SCN10A: variants seen among roughly 807,000 people sequenced by gnomAD.
The protein encoded by SCN10A is sodium voltage-gated channel alpha subunit 10, also known as sodium channel protein type 10 subunit alpha.
A neutral mutation model predicts 170.7 loss-of-function variants in SCN10A; 162 were observed. The ratio of observed to expected loss-of-function variants is 0.95; its 90% CI spans 0.84 to 1.08. SCN10A has a LOEUF of 1.08. SCN10A is among the 50% of genes least tolerant of loss of function. SCN10A has a pLI of 0.00. For missense variants in SCN10A, 2,527 were observed against 2,436.9 expected, an observed-to-expected ratio of 1.04 and a Z score of -0.78; for synonymous variants, 985 against 904.6, an observed-to-expected ratio of 1.09 and a Z score of -1.59.
intron 5 of SCN10A, among the ~76,000 whole-genome samples, chr3:38,768,200 C>A (rs555249303): frequency 6.6e-6 from 1 of 151,592 alleles, no homozygotes; most frequent in East Asian, 1.9e-4. Context: ...CCTTTCTGCC[C>A]TTCTGTATAT....
Position 38,707,375 on chromosome 3 carries a change from GC to G in SCN10A, c.4289del (p.Gly1430AlafsTer6). 2.5e-6 allele frequency: 4 copies of G among 1,614,016 alleles called. No homozygotes were observed. The highest frequency in any genetic ancestry group is 3.4e-6 in the Non-Finnish European group (4 of 1,179,976). On this transcript the variant is annotated frameshift_variant, in exon 26 of 28. Coordinates refer to ENST00000449082, the MANE Select transcript of SCN10A (RefSeq NM_006514.4). LOFTEE classifies it high-confidence loss of function. ...GCTCCTCTGTCATGAAGATGTCCTG[GC>G]CCCCTAAGTGCAGAGAGGGCCACAC... The part of the protein sequence containing the change: ...NFNQQKKKLG[G>X]QDIFMTEEQK...
At chr3:38,742,024 C>T (rs2063637701) in intron 14 of SCN10A, among the ~76,000 whole-genome samples, 1 of 152,216 alleles carries the variant, frequency 6.6e-6, no homozygotes, top group African/African-American at 2.4e-5. Context: ...GGGCAACTAG[C>T]TGCCTCTGGC....
chr3:38,721,039 G>A (rs900578678), intron 20 of SCN10A, among the ~76,000 whole-genome samples: 3 of 152,124 alleles, frequency 2.0e-5, no homozygotes, highest in African/African-American at 7.2e-5. Context: ...ACCAGTCCCT[G>A]CCCCGAAACT....
chr3:38,765,486 G>A (rs949421478), intron 5 of SCN10A, among the ~76,000 whole-genome samples: 7 of 151,942 alleles, frequency 4.6e-5, no homozygotes, highest in African/African-American at 1.5e-4. Flanking sequence ...CCCCACTTAC[G>A]TTTTTGTTTG....
At chr3:38,773,212 G>A (rs1359349993) in intron 4 of SCN10A, among the ~76,000 whole-genome samples, 1 of 152,236 alleles carries the variant, frequency 6.6e-6, no homozygotes, top group East Asian at 1.9e-4. Context: ...TGTACCTGTA[G>A]TCCTAACTAC....
chr3:38,756,230 G>T (rs1366220841), intron 10 of SCN10A, among the ~76,000 whole-genome samples: 1 of 152,098 alleles, frequency 6.6e-6, no homozygotes, highest in Non-Finnish European at 1.5e-5. Context: ...GCAGCTGATG[G>T]CTCATACTTG....
chr3:38,702,033 A>G lies in SCN10A; in HGVS notation c.4463T>C (p.Leu1488Pro). 2 of 1,612,350 alleles carry G rather than the reference A, an allele frequency of 1.2e-6. No homozygotes were observed. Among genetic ancestry groups the G allele is most frequent in the Non-Finnish European group, 1.7e-6 (2 of 1,179,118 alleles). The change falls in exon 27 of 28, where the codon CTC becomes CCC. Residue 1488 changes from leucine (L) to proline (P), a missense_variant. Leu to Pro is a moderately conservative substitution (Grantham distance 98). Coordinates refer to ENST00000449082, the MANE Select transcript of SCN10A (RefSeq NM_006514.4). The part of the protein sequence containing the change: ...FDITIMVLIC[L>P]NMITMMVETD... ...CTCCACCATCATGGTGATCATGTTGAGGCAGATGAGGACCATGATGGTGAT... is the reference window on the plus strand; with the variant it reads ...CTCCACCATCATGGTGATCATGTTGGGGCAGATGAGGACCATGATGGTGAT...
chr3:38,742,097 G>A (rs1197617647), intron 14 of SCN10A, among the ~76,000 whole-genome samples, 194 bp downstream of exon 14: 1 of 152,148 alleles, frequency 6.6e-6, no homozygotes, highest in Non-Finnish European at 1.5e-5. Context: ...CACCAGCTCA[G>A]CCTGGGTCCT....
At chr3:38,749,875 T>A (rs1207870148) in intron 13 of SCN10A, among the ~76,000 whole-genome samples, 198 bp downstream of exon 13, 1 of 152,264 alleles carries the variant, frequency 6.6e-6, no homozygotes, top group Non-Finnish European at 1.5e-5. Context: ...ATCAAATTAT[T>A]TTGTTTTTGA....
chr3:38,783,285 G>C (rs2064160517), intron 4 of SCN10A, among the ~76,000 whole-genome samples: 1 of 152,026 alleles, frequency 6.6e-6, no homozygotes, highest in Non-Finnish European at 1.5e-5. Context: ...CACTTCACCA[G>C]CTCCTTCCCA....
In SCN10A at chr3:38,752,129, A is replaced by T. The variant is rs1260743326; in HGVS notation, c.1755+90T>A. On this transcript the variant is annotated intron_variant, in intron 12 of 27. Coordinates refer to ENST00000449082, the MANE Select transcript of SCN10A (RefSeq NM_006514.4). The stretch of plus-strand genomic sequence containing the variant: ...GCATTGGACAGGATGATGGCTAAAG[A>T]TCCCTTCCATTGGTGATACTCAGGC... 6.2e-5 allele frequency: 75 copies of T among 1,201,876 alleles called. No homozygotes were observed. The Admixed American group carries it at 2.0e-3, about 33-fold the overall frequency. The allele number at this position is 1,201,876 out of a possible 1,614,324, so 74.5% of individuals were successfully genotyped here.
chr3:38,791,013 G>C (rs190856768), intron 3 of SCN10A, among the ~76,000 whole-genome samples: 79 of 152,320 alleles, frequency 5.2e-4, no homozygotes, highest in African/African-American at 1.9e-3. Context: ...TGTTGAGTGT[G>C]CAGATAGATG....
rs2063463928 is a variant in SCN10A at position 38,726,978 on chromosome 3, C to G, written c.2715G>C (p.Gly905=). Residue 905 remains glycine (G), a synonymous_variant, in exon 17 of 28, where the codon GGG becomes GGC. Coordinates refer to ENST00000449082, the MANE Select transcript of SCN10A (RefSeq NM_006514.4). ...GGGCCACCTGCAGGTTGTTCACCTCCCCATCGTCCTCCGGGGCTGTGAGGT... is the reference window on the plus strand; with the variant it reads ...GGGCCACCTGCAGGTTGTTCACCTCGCCATCGTCCTCCGGGGCTGTGAGGT... ...ADNLTAPEDD[G]EVNNLQVALA... 6.2e-7 allele frequency: 1 copy of G among 1,614,246 alleles called. No homozygotes were observed. The highest frequency in any genetic ancestry group is 2.2e-5 in the East Asian group (1 of 44,888).
chr3:38,707,781 T>C (rs1022029132), intron 25 of SCN10A, among the ~76,000 whole-genome samples: 4 of 152,192 alleles, frequency 2.6e-5, no homozygotes, highest in Non-Finnish European at 5.9e-5. Flanking sequence ...AGAGATTTCC[T>C]GAGGACCTTG....
At chr3:38,798,786 CT>C (rs35930968) in intron 1 of SCN10A, among the ~76,000 whole-genome samples, 7 of 97,728 alleles carry the variant, frequency 7.2e-5, no homozygotes, top group African/African-American at 1.6e-4. Flanking sequence ...CCCTTGCCTC[CT>C]TTTTTTTTTT....
chr3:38,718,878 G>A (rs777337458), intron 20 of SCN10A, 52 bp from the exon 21 acceptor site: 3 of 1,575,766 alleles, frequency 1.9e-6, no homozygotes, highest in Non-Finnish European at 2.6e-6. Flanking sequence ...CCACAGCACT[G>A]GGGCCCAGAC....
intron 22 of SCN10A, among the ~76,000 whole-genome samples, chr3:38,713,530 C>G (rs913482440): frequency 6.6e-6 from 1 of 151,962 alleles, no homozygotes; most frequent in Non-Finnish European, 1.5e-5. Flanking sequence ...CACAAAAAGA[C>G]TTGAAAGAGA....
At chr3:38,768,515 T>A (rs1049797987) in intron 5 of SCN10A, among the ~76,000 whole-genome samples, 1 of 152,228 alleles carries the variant, frequency 6.6e-6, no homozygotes, top group East Asian at 1.9e-4. Context: ...TTTCTCTTCA[T>A]ACAATATTCT....
Position 38,761,263 on chromosome 3 carries a change from T to G in SCN10A, c.812A>C (p.Asn271Thr). 1.2e-6 allele frequency: 2 copies of G among 1,613,944 alleles called. No individual in the cohort carries two copies. The highest frequency in any genetic ancestry group is 1.7e-6 in the Non-Finnish European group (2 of 1,179,906). ...ALVGLQLFKG[N>T]LKNKCVKNDM... ...ATTCTTGACACATTTATTTTTGAGG[T>G]TGCCCTTGAAGAGTTGCAGCCCCAC... Residue 271 changes from asparagine (N) to threonine (T), a missense_variant, in exon 7 of 28, where the codon AAC becomes ACC. Asn to Thr is a moderately conservative substitution (Grantham distance 65). Coordinates refer to ENST00000449082, the MANE Select transcript of SCN10A (RefSeq NM_006514.4).
Sources: allele counts gnomAD v4.1 joint callset (sites outside exome capture counted in the v4.1 genomes callset), GRCh38; gene constraint gnomAD v4.1.1; transcripts MANE v1.5; gene names NCBI Gene and HGNC (gene_info 2026-07-23, HGNC 2026-07-21).